Variants in FRMD4B observed in about 807,000 individuals in gnomAD.
The protein encoded by FRMD4B is FERM domain-containing protein 4B.
Under a neutral mutation model 141.5 loss-of-function variants are expected in FRMD4B, and 74 were observed. That is an observed-to-expected ratio of 0.52 (90% CI 0.43 to 0.63). The LOEUF (loss-of-function observed/expected upper bound fraction) is 0.63, where lower values mean the gene tolerates loss of function less well. Among genes scored for constraint, FRMD4B ranks in the 30% least tolerant of loss-of-function variants. The pLI, the probability that FRMD4B is intolerant of heterozygous loss-of-function variation, is 0.00. For synonymous variants in FRMD4B, 506 were observed against 467.9 expected (o/e 1.08, Z -1.05); for missense variants, 1,366 against 1,253.4 (o/e 1.09, Z -1.36).
chr3:69,455,301 G>A (rs931802686), intron 1 of FRMD4B, among the ~76,000 whole-genome samples: 3 of 152,332 alleles, frequency 2.0e-5, no homozygotes, highest in South Asian at 4.1e-4. Context: ...CATAATGTGG[G>A]AGGTTTGTTC....
At chr3:69,234,244 CAA>C (rs34192296) in intron 7 of FRMD4B, among the ~76,000 whole-genome samples, 62 of 75,192 alleles carry the variant, frequency 8.2e-4, no homozygotes, top group East Asian at 2.0e-3. Context: ...GACCCTGTCT[CAA>C]AAAAAAAAAA....
chr3:69,263,987 T>C (rs1403847936), intron 5 of FRMD4B, among the ~76,000 whole-genome samples: 1 of 151,530 alleles, frequency 6.6e-6, no homozygotes, highest in Admixed American at 6.6e-5. Context: ...CCCCAAGCCC[T>C]GCTAATTTTT....
At chr3:69,186,000 C>T (rs540363268) in intron 19 of FRMD4B, among the ~76,000 whole-genome samples, 82 of 150,818 alleles carry the variant, frequency 5.4e-4, no homozygotes, top group African/African-American at 2.0e-3. Context: ...CAAGATGGTG[C>T]TGCTGCACTC....
At chr3:69,308,641 T>C (rs539991689) in intron 3 of FRMD4B, among the ~76,000 whole-genome samples, 3 of 152,246 alleles carry the variant, frequency 2.0e-5, no homozygotes, top group South Asian at 2.1e-4. Context: ...GGTTTCACCA[T>C]GTTGCCCAGG....
chr3:69,315,741 T>C (rs754123954), intron 1 of FRMD4B, among the ~76,000 whole-genome samples: 3 of 152,258 alleles, frequency 2.0e-5, no homozygotes, highest in Non-Finnish European at 2.9e-5. Flanking sequence ...TTCCAATCTT[T>C]TGCTATCACA....
At chr3:69,312,182 G>A (rs1701617993) in intron 2 of FRMD4B, among the ~76,000 whole-genome samples, 1 of 152,180 alleles carries the variant, frequency 6.6e-6, no homozygotes, top group African/African-American at 2.4e-5. Context: ...CAGCCAGAAT[G>A]CCTGGAGTGA....
At chr3:69,496,735 A>T (rs1706407337) in intron 1 of FRMD4B, among the ~76,000 whole-genome samples, 1 of 151,780 alleles carries the variant, frequency 6.6e-6, no homozygotes, top group Non-Finnish European at 1.5e-5. Context: ...AGGCCAAGTC[A>T]TACTTAAAGC....
intron 1 of FRMD4B, among the ~76,000 whole-genome samples, chr3:69,371,467 G>T (rs1703821230): frequency 6.6e-6 from 1 of 152,122 alleles, no homozygotes; most frequent in Non-Finnish European, 1.5e-5. Context: ...TCATTGAAGG[G>T]ATCTGAACAG....
intron 17 of FRMD4B, 71 bp downstream of exon 17, chr3:69,193,577 G>C: frequency 1.3e-6 from 1 of 797,316 alleles, no homozygotes; most frequent in Middle Eastern, 2.3e-4. Context: ...CTGGTAACTG[G>C]TTTGGAAATG....
At chr3:69,491,023 C>T (rs1185043362) in intron 1 of FRMD4B, among the ~76,000 whole-genome samples, 1 of 152,164 alleles carries the variant, frequency 6.6e-6, no homozygotes, top group Non-Finnish European at 1.5e-5. Context: ...ATAAATTTCT[C>T]TTCACCTAAA....
intron 1 of FRMD4B, among the ~76,000 whole-genome samples, chr3:69,433,289 A>G (rs1212271452): frequency 6.6e-6 from 1 of 152,316 alleles, no homozygotes; most frequent in East Asian, 1.9e-4. Flanking sequence ...CCTCATTTAT[A>G]TGTATTTCTC....
chr3:69,181,282 T>A lies in FRMD4B; in HGVS notation c.2468A>T (p.Tyr823Phe), dbSNP rs1415082475. The change falls in exon 21 of 23, where the codon TAT becomes TTT. Residue 823 changes from tyrosine (Y) to phenylalanine (F), a missense_variant. Transcript: ENST00000398540. ...TCCCTCGGTGTCATTCTCATAGACATAACCACCACTGTAATAAAAGTCACA... is the reference window on the plus strand; with the variant it reads ...TCCCTCGGTGTCATTCTCATAGACAAAACCACCACTGTAATAAAAGTCACA... ...AECDFYYSGG[Y>F]VYENDTEGQY... 1.2e-6 allele frequency: 2 copies of A among 1,613,806 alleles called. No homozygotes were observed. The highest frequency in any genetic ancestry group is 3.3e-5 in the Admixed American group (2 of 60,018).
intron 1 of FRMD4B, among the ~76,000 whole-genome samples, chr3:69,515,438 T>C (rs1700739698): frequency 6.6e-6 from 1 of 152,222 alleles, no homozygotes; most frequent in Non-Finnish European, 1.5e-5. Context: ...GTCTTTTGCA[T>C]GGGAAATTTG....
At chr3:69,297,404 C>A (rs1371353828) in intron 4 of FRMD4B, among the ~76,000 whole-genome samples, 1 of 151,938 alleles carries the variant, frequency 6.6e-6, no homozygotes, top group African/African-American at 2.4e-5. Flanking sequence ...TGAGTGGACA[C>A]ATGCAGTCCT....
At chr3:69,515,116 G>C (rs1700730705) in intron 1 of FRMD4B, among the ~76,000 whole-genome samples, 1 of 152,170 alleles carries the variant, frequency 6.6e-6, no homozygotes, top group East Asian at 1.9e-4. Flanking sequence ...GTGGGGAAAG[G>C]TGTCTTACAT....
chr3:69,244,021 G>A (rs1394828572), intron 7 of FRMD4B, among the ~76,000 whole-genome samples: 2 of 152,108 alleles, frequency 1.3e-5, no homozygotes, highest in African/African-American at 4.8e-5. Flanking sequence ...CTCTAGCCTG[G>A]GCGACAGAGT....
chr3:69,265,176 A>G (rs2093552672), intron 5 of FRMD4B, among the ~76,000 whole-genome samples: 2 of 139,920 alleles, frequency 1.4e-5, no homozygotes, highest in Non-Finnish European at 3.1e-5. Context: ...AATTGCTTGA[A>G]CCCAGGAGGT....
At chr3:69,203,223 T>C in intron 11 of FRMD4B, among the ~76,000 whole-genome samples, 1 of 150,530 alleles carries the variant, frequency 6.6e-6, no homozygotes, top group East Asian at 1.9e-4. Context: ...TCCACTCACT[T>C]TTATAGACTT....
chr3:69,287,588 C>T (rs1189777703), intron 5 of FRMD4B, 164 bp downstream of exon 5: 4 of 570,210 alleles, frequency 7.0e-6, no homozygotes, highest in South Asian at 2.2e-5. Context: ...GAAAAGATAC[C>T]ATTTGTGTAT....
Sources: gnomAD v4.1 joint callset for allele counts (sites outside exome capture counted in the v4.1 genomes callset) on GRCh38, gnomAD v4.1.1 for gene constraint, MANE v1.5 for transcripts, NCBI Gene and HGNC (gene_info 2026-07-23, HGNC 2026-07-21) for gene names.